Variants in TMEM243 observed in about 807,000 individuals in gnomAD.
TMEM243 encodes transmembrane protein 243.
A neutral mutation model predicts 15.0 loss-of-function variants in TMEM243; 20 were observed. The ratio of observed to expected loss-of-function variants is 1.33; its 90% CI spans 0.94 to 1.93. The LOEUF (loss-of-function observed/expected upper bound fraction) is 1.93. TMEM243 is among the 30% of genes most tolerant of loss of function. The pLI, the probability that TMEM243 is intolerant of heterozygous loss-of-function variation, is 0.00. For synonymous variants in TMEM243, 72 were observed against 52.7 expected, an observed-to-expected ratio of 1.37 and a Z score of -1.59; for missense variants, 156 against 142.1, an observed-to-expected ratio of 1.10 and a Z score of -0.50.
intron 1 of TMEM243, among the ~76,000 whole-genome samples, chr7:87,201,696 G>A (rs978922252): frequency 6.6e-5 from 10 of 152,176 alleles, no homozygotes. Flanking sequence ...AAACTTTGCT[G>A]TTTATGGAGT....
intron 1 of TMEM243, among the ~76,000 whole-genome samples, chr7:87,214,069 C>T (rs982049360): frequency 6.6e-6 from 1 of 152,182 alleles, no homozygotes; most frequent in African/African-American, 2.4e-5. Flanking sequence ...TTTAGAAACT[C>T]GTTTGCACTA....
chr7:87,213,187 A>G (rs939114704), intron 1 of TMEM243, among the ~76,000 whole-genome samples: 1 of 152,200 alleles, frequency 6.6e-6, no homozygotes, highest in Admixed American at 6.5e-5. Context: ...AACCCTTCCT[A>G]TGCACCAGCA....
At chr7:87,217,619 A>G (rs1803202923) in intron 1 of TMEM243, among the ~76,000 whole-genome samples, 1 of 152,212 alleles carries the variant, frequency 6.6e-6, no homozygotes, top group East Asian at 1.9e-4. Flanking sequence ...CACCCTGTCA[A>G]CTTCACAGAG....
chr7:87,197,821 G>A, intron 3 of TMEM243, 120 bp downstream of exon 3: 1 of 1,552,434 alleles, frequency 6.4e-7, no homozygotes, highest in Non-Finnish European at 8.7e-7. Context: ...ACTTTTAGGG[G>A]GAGGATGAGG....
At chr7:87,209,137 C>T (rs1188061667) in intron 1 of TMEM243, among the ~76,000 whole-genome samples, 1 of 152,208 alleles carries the variant, frequency 6.6e-6, no homozygotes, top group Non-Finnish European at 1.5e-5. Flanking sequence ...GAAGCCTTTA[C>T]ATCCATTCTC....
chr7:87,209,456 C>T (rs1002216932), intron 1 of TMEM243, among the ~76,000 whole-genome samples: 3 of 147,564 alleles, frequency 2.0e-5, no homozygotes, highest in African/African-American at 7.6e-5. Flanking sequence ...GACAGTGAGA[C>T]AGACAGAGTG....
chr7:87,219,835 C>T (rs984076423), upstream of TMEM243: 2 of 351,786 alleles, frequency 5.7e-6, no homozygotes, highest in Non-Finnish European at 1.0e-5. Context: ...TGGCTCTCCG[C>T]CCCTCTGGGC....
At chr7:87,202,342 T>C (rs1045110322) in intron 1 of TMEM243, among the ~76,000 whole-genome samples, 5 of 151,986 alleles carry the variant, frequency 3.3e-5, no homozygotes, top group African/African-American at 9.7e-5. Context: ...CAAAGACCCA[T>C]GGGAGAACAA....
intron 2 of TMEM243, chr7:87,198,320 A>T (rs1801523116): frequency 3.0e-6 from 1 of 329,480 alleles, no homozygotes; most frequent in Admixed American, 4.5e-5. Flanking sequence ...CCTCACTCCC[A>T]GGATTAATGA....
chr7:87,198,966 T>G (rs368032928), intron 2 of TMEM243, 41 bp downstream of exon 2: 149 of 1,514,218 alleles, frequency 9.8e-5, no homozygotes, highest in Non-Finnish European at 1.2e-4. Context: ...TTTTCAAAAC[T>G]GGCTAAGAGC....
At chr7:87,204,354 A>C (rs751534164) in intron 1 of TMEM243, among the ~76,000 whole-genome samples, 1 of 152,094 alleles carries the variant, frequency 6.6e-6, no homozygotes, top group African/African-American at 2.4e-5. Flanking sequence ...ACATTTCAAA[A>C]CCAATCATGC....
At position 87,196,402 on chromosome 7, in the gene TMEM243, G is replaced by A. The variant is rs950153103; in HGVS notation, c.*234C>T. On this transcript the variant is annotated 3_prime_UTR_variant, in exon 4 of 4. Coordinates refer to ENST00000257637, the MANE Select transcript of TMEM243 (RefSeq NM_024315.4). Reference sequence around the variant, plus strand: ...CATTTCAAAAGTGAAATTTTTTTGTGCTGTTTTAGCTTTAAGGGTTGGAAT... The same window carrying A: ...CATTTCAAAAGTGAAATTTTTTTGTACTGTTTTAGCTTTAAGGGTTGGAAT... 9 of 362,982 alleles carry A rather than the reference G, an allele frequency of 2.5e-5. No homozygotes were observed. Among genetic ancestry groups the A allele is most frequent in the African/African-American group, 1.5e-4 (7 of 47,156 alleles). 22.5% of individuals were successfully genotyped at this position (362,982 alleles called of 1,614,324 possible).
At chr7:87,214,840 C>T (rs1802993415) in intron 1 of TMEM243, among the ~76,000 whole-genome samples, 1 of 152,170 alleles carries the variant, frequency 6.6e-6, no homozygotes, top group Non-Finnish European at 1.5e-5. Flanking sequence ...TGGGGTGGGA[C>T]ACAAGTCTAA....
intron 3 of TMEM243, chr7:87,197,630 C>T: frequency 1.0e-6 from 1 of 976,404 alleles, no homozygotes; most frequent in East Asian, 2.9e-5. Context: ...TTACGTAGTC[C>T]TTGAGTGAAG....
rs1803326256 is a variant in TMEM243 at position 87,219,340 on chromosome 7, C to T, written c.78+86G>A. ...CCTCCCTAAAAGTGCTTTTAGGAGC[C>T]GCAGAAAGACGCAGCCCGGACTCCG... On this transcript the variant is annotated intron_variant, in intron 1 of 3. Transcript: ENST00000257637. 4 of 1,337,484 alleles carry T rather than the reference C, an allele frequency of 3.0e-6. No individual in the cohort carries two copies. In the East Asian group the frequency reaches 9.3e-5, roughly 31 times the overall value. The allele number at this position is 1,337,484 out of a possible 1,614,324, so 82.9% of individuals were successfully genotyped here. A position where few individuals can be genotyped will look rare whatever the true frequency, so the allele number is the denominator to read the frequency against.
intron 1 of TMEM243, among the ~76,000 whole-genome samples, chr7:87,216,438 AC>A (rs1803130632): frequency 6.6e-6 from 1 of 152,216 alleles, no homozygotes. Context: ...AAAGTGAGAC[AC>A]TGCCTCAAAG....
rs959315699 is a variant in TMEM243, at chr7:87,198,947, T to C, written c.129+60A>G. Reference sequence around the variant, plus strand: ...GCTTTTTTTGGAAAGTTAACCATAATTGATAAAGTTTTCAAAACTGGCTAA... The same window carrying C: ...GCTTTTTTTGGAAAGTTAACCATAACTGATAAAGTTTTCAAAACTGGCTAA... On this transcript the variant is annotated intron_variant, in intron 2 of 3. Coordinates refer to ENST00000257637, the MANE Select transcript of TMEM243 (RefSeq NM_024315.4). 8 of 1,428,658 alleles carry C rather than the reference T, an allele frequency of 5.6e-6. 1 individual carries two copies. In the African/African-American group the frequency reaches 5.9e-5, roughly 11 times the overall value. The allele number at this position is 1,428,658 out of a possible 1,614,324, so 88.5% of individuals were successfully genotyped here. A position where few individuals can be genotyped will look rare whatever the true frequency, so the allele number is the denominator to read the frequency against.
In TMEM243 at chr7:87,219,704, C is replaced by T. The variant is rs1180533532; in HGVS notation, c.-201G>A. The T allele has an allele frequency of 6.8e-6, 4 of 589,388 alleles. No homozygotes were observed. Among genetic ancestry groups the T allele is most frequent in the Non-Finnish European group, 1.2e-5 (4 of 332,246 alleles). 36.5% of individuals were successfully genotyped at this position (589,388 alleles called of 1,614,324 possible). The stretch of plus-strand genomic sequence containing the variant: ...TGCTCCGCCCCGGCCCCGCGCACCT[C>T]CTCATCTTGAGCAGCTGCCGCAGGA... On this transcript the variant is annotated 5_prime_UTR_variant, in exon 1 of 4. Coordinates refer to ENST00000257637, the MANE Select transcript of TMEM243 (RefSeq NM_024315.4).
chr7:87,211,287 C>T (rs1802727202), intron 1 of TMEM243, among the ~76,000 whole-genome samples: 1 of 152,204 alleles, frequency 6.6e-6, no homozygotes, highest in African/African-American at 2.4e-5. Flanking sequence ...TCATCCCTTA[C>T]CCTCCCTACC....
Sources: allele counts gnomAD v4.1 joint callset (sites outside exome capture counted in the v4.1 genomes callset), GRCh38; gene constraint gnomAD v4.1.1; transcripts MANE v1.5; gene names NCBI Gene and HGNC (gene_info 2026-07-23, HGNC 2026-07-21).